Variants in SNUPN observed in about 807,000 individuals in gnomAD.
The protein encoded by SNUPN is snurportin 1.
SNUPN carries 31 observed loss-of-function variants against 39.2 expected under a neutral mutation model. The ratio of observed to expected loss-of-function variants is 0.79; its 90% confidence interval spans 0.59 to 1.07. The LOEUF is 1.07. Among genes scored for constraint, SNUPN ranks in the 50% least tolerant of loss-of-function variants. The pLI is 0.00. For missense variants in SNUPN, 382 were observed against 434.2 expected (o/e 0.88, Z 1.07); for synonymous variants, 132 against 159.0 (o/e 0.83, Z 1.28).
At chr15:75,605,070 C>T in intron 7 of SNUPN, 80 bp downstream of exon 7, 2 of 850,664 alleles carry the variant, frequency 2.4e-6, no homozygotes, top group East Asian at 2.5e-5. Context: ...TCATTTCATA[C>T]ATAATGATTA....
At chr15:75,618,757 A>T (rs1892997369) in intron 2 of SNUPN, among the ~76,000 whole-genome samples, 1 of 152,132 alleles carries the variant, frequency 6.6e-6, no homozygotes, top group South Asian at 2.1e-4. Flanking sequence ...CGAGAATAAA[A>T]GAGCTGGTAT....
intron 7 of SNUPN, among the ~76,000 whole-genome samples, chr15:75,604,178 T>TG (rs1293855149): frequency 1.4e-4 from 21 of 149,940 alleles, no homozygotes; most frequent in African/African-American, 4.9e-4. Flanking sequence ...TTTTTTTTTT[T>TG]GTGACAGAGT....
chr15:75,618,558 T>G (rs1288844143), intron 2 of SNUPN, among the ~76,000 whole-genome samples: 1 of 152,234 alleles, frequency 6.6e-6, no homozygotes, highest in Non-Finnish European at 1.5e-5. Context: ...GGAACCTAAT[T>G]GTTTCAAAGT....
At chr15:75,610,971 C>A (rs1400312236) in intron 3 of SNUPN, among the ~76,000 whole-genome samples, 6 of 151,972 alleles carry the variant, frequency 3.9e-5, no homozygotes, top group Non-Finnish European at 8.8e-5. Context: ...AGATTGAGAC[C>A]ATCCTGGCCA....
chr15:75,603,731 G>A (rs955447650), intron 7 of SNUPN, among the ~76,000 whole-genome samples: 2 of 147,880 alleles, frequency 1.4e-5, no homozygotes, highest in Admixed American at 1.3e-4. Flanking sequence ...CCACTGTATT[G>A]TACTAGGTTG....
chr15:75,614,294 A>G (rs1281498666), intron 3 of SNUPN, among the ~76,000 whole-genome samples: 1 of 152,210 alleles, frequency 6.6e-6, no homozygotes, highest in Admixed American at 6.5e-5. Context: ...TCATCTCGAA[A>G]AAAGTAAATA....
At chr15:75,612,441 A>G (rs1892807145) in intron 3 of SNUPN, among the ~76,000 whole-genome samples, 1 of 151,588 alleles carries the variant, frequency 6.6e-6, no homozygotes, top group South Asian at 2.1e-4. Flanking sequence ...ACATAGCACT[A>G]CTCTGTTTTT....
Position 75,598,380 on chromosome 15 carries a change from G to A in SNUPN, c.1061C>T (p.Pro354Leu). The change falls in exon 9 of 9, where the codon CCT becomes CTT. Residue 354 changes from proline (P) to leucine (L), a missense_variant. Pro to Leu is a moderately conservative substitution (Grantham distance 98). Coordinates refer to ENST00000308588, the MANE Select transcript of SNUPN (RefSeq NM_005701.4). ...LKGSSHSPDH[P>L]GCLMEN ...TCTTTAATTCTCCATGAGGCATCCA[G>A]GGTGGTCTGGGCTATGGGAAGAACC... is the stretch of plus-strand genomic sequence containing the variant. 2 of 1,614,012 alleles carry A rather than the reference G, an allele frequency of 1.2e-6. No individual in the cohort carries two copies. Among genetic ancestry groups the A allele is most frequent in the Non-Finnish European group, 1.7e-6 (2 of 1,179,910 alleles).
intron 5 of SNUPN, 95 bp from the exon 6 acceptor site, chr15:75,607,408 C>A: frequency 1.3e-6 from 1 of 792,136 alleles, no homozygotes; most frequent in Non-Finnish European, 2.2e-6. Context: ...AGGCTTGAGT[C>A]CAACAATCCT....
chr15:75,607,388 C>A (rs2075339478), intron 5 of SNUPN, 75 bp from the exon 6 acceptor site: 1 of 970,446 alleles, frequency 1.0e-6, no homozygotes, highest in African/African-American at 1.6e-5. Flanking sequence ...CCTAGGGAGC[C>A]CCATCCCAGA....
At chr15:75,619,022 T>TAAAAA (rs35749195) in intron 2 of SNUPN, among the ~76,000 whole-genome samples, 1 of 74,352 alleles carries the variant, frequency 1.3e-5, no homozygotes, top group Non-Finnish European at 2.4e-5. Context: ...CTACTTGTGT[T>TAAAAA]AAAAAAAAAA....
rs2075262000 is a variant in SNUPN at position 75,598,714 on chromosome 15, A to G, written c.760-33T>C. On this transcript the variant is annotated intron_variant, in intron 8 of 8. Transcript: ENST00000308588. ...ACAAGGGGAAATTGAGGATCAAATG[A>G]CTTCTGGGGCCACATGTTTCCAGGA... 3.9e-6 allele frequency: 6 copies of G among 1,530,310 alleles called. No individual in the cohort carries two copies. The East Asian group carries it at 1.4e-4, about 35-fold the overall frequency. The allele number at this position is 1,530,310 out of a possible 1,614,324, so 94.8% of individuals were successfully genotyped here. A position where few individuals can be genotyped will look rare whatever the true frequency, so the allele number is the denominator to read the frequency against.
At chr15:75,605,049 C>G (rs1013593755) in intron 7 of SNUPN, 101 bp downstream of exon 7, 2 of 767,130 alleles carry the variant, frequency 2.6e-6, no homozygotes, top group Non-Finnish European at 4.5e-6. Flanking sequence ...ACCATGCTGC[C>G]TCAAAAAAGA....
chr15:75,600,783 G>A (rs931727275), intron 8 of SNUPN: 3 of 226,272 alleles, frequency 1.3e-5, no homozygotes, highest in African/African-American at 2.3e-5. Flanking sequence ...AGCCAAACCA[G>A]GGACCTGGGT....
At position 75,602,517 on chromosome 15, in the gene SNUPN, C is replaced by T. The variant is rs535376457; in HGVS notation, c.679-1299G>A. 2.5e-3 allele frequency among the ~76,000 whole-genome samples: 334 copies of T among 133,200 alleles called. 2 individuals are homozygous for T. The highest frequency in any genetic ancestry group is 9.4e-3 in the African/African-American group (316 of 33,584). 87.4% of individuals were successfully genotyped at this position (133,200 alleles called of 152,430 possible). The stretch of plus-strand genomic sequence containing the variant: ...CTCTAGCCTGAGCAACAGAGCAAGA[C>T]TCGGTCTCAAAAAAAAAAAAAAAAA... On this transcript the variant is annotated intron_variant, in intron 7 of 8. Transcript: ENST00000308588.
Position 75,609,616 on chromosome 15 carries a change from A to T in SNUPN, c.444T>A (p.Cys148Ter). The change falls in exon 5 of 9, where the codon TGT becomes TGA. Residue 148 changes from cysteine to a stop codon, truncating the protein, a stop_gained. Transcript: ENST00000308588. LOFTEE classifies it high-confidence loss of function. ...STSAYTKSGY[C>*]VNRFSSLLPG... ...GCAGAAGTGAAGAAAACCTGTTGAC[A>T]CAGTAGCCACTCTTGGTGTAGGCAC... 6.2e-7 allele frequency: 1 copy of T among 1,613,648 alleles called. No individual in the cohort carries two copies. The highest frequency in any genetic ancestry group is 8.5e-7 in the Non-Finnish European group (1 of 1,179,750).
At position 75,621,159 on chromosome 15, in the gene SNUPN, ATTAAC is replaced by A. The variant is rs369980045; in HGVS notation, c.-5-108_-5-104del. ...ATGATGGCCACATTCCTGAAAAAAAATTAACTTAATGCAAAATCACAAGTGTTTCC... is the reference window on the plus strand; with the variant it reads ...ATGATGGCCACATTCCTGAAAAAAAATTAATGCAAAATCACAAGTGTTTCC... On this transcript the variant is annotated intron_variant, in intron 1 of 8. Transcript: ENST00000308588. 7.8e-6 allele frequency: 9 copies of A among 1,152,542 alleles called. No homozygotes were observed. In the African/African-American group the frequency reaches 7.9e-5, roughly 10 times the overall value. 71.4% of individuals were successfully genotyped at this position (1,152,542 alleles called of 1,614,324 possible). A position where few individuals can be genotyped will look rare whatever the true frequency, so the allele number is the denominator to read the frequency against.
At chr15:75,605,957 C>A (rs982846394) in intron 6 of SNUPN, among the ~76,000 whole-genome samples, 5 of 152,042 alleles carry the variant, frequency 3.3e-5, no homozygotes, top group Non-Finnish European at 5.9e-5. Flanking sequence ...ACAGCCTGGC[C>A]AACATGGTGA....
chr15:75,601,212 A>G lies in SNUPN; in HGVS notation c.685T>C (p.Phe229Leu). 6.2e-7 allele frequency: 1 copy of G among 1,608,540 alleles called. No individual in the cohort carries two copies. Reference protein sequence around the residue: ...GEKTKLNPFKFVGLKNFPCTP... With the variant: ...GEKTKLNPFKLVGLKNFPCTP... ...CAAGGGAAGTTCTTTAGCCCCACAA[A>G]TTTAAACTGAAATAGAAATTAGAAC... The change falls in exon 8 of 9, where the codon TTT (phenylalanine) becomes CTT (leucine). Residue 229 changes from phenylalanine to leucine, a missense_variant. Transcript: ENST00000308588.
Sources: gnomAD v4.1 joint callset for allele counts (sites outside exome capture counted in the v4.1 genomes callset) on GRCh38, gnomAD v4.1.1 for gene constraint, MANE v1.5 for transcripts, NCBI Gene and HGNC (gene_info 2026-07-23, HGNC 2026-07-21) for gene names.